Variants in ZFAT observed in about 807,000 individuals in gnomAD.
ZFAT encodes zinc finger and AT-hook domain containing.
ZFAT carries 64 observed loss-of-function variants against 117.7 expected under a neutral mutation model. The ratio of observed to expected loss-of-function variants is 0.54; its 90% CI spans 0.44 to 0.67. The LOEUF (loss-of-function observed/expected upper bound fraction) is 0.67, where lower values mean the gene tolerates loss of function less well. Ranked by LOEUF, ZFAT falls within the 30% of genes least tolerant of loss-of-function variation. ZFAT has a pLI of 0.00. For missense variants in ZFAT, 1,433 were observed against 1,584.5 expected (o/e 0.90, Z 1.62); for synonymous variants, 679 against 615.0 (o/e 1.10, Z -1.54).
In ZFAT at chr8:134,641,907, C is replaced by T. The variant is rs551905303; in HGVS notation, c.197-4195G>A. On this transcript the variant is annotated intron_variant, in intron 2 of 15. Coordinates refer to ENST00000377838, the MANE Select transcript of ZFAT (RefSeq NM_020863.4). ...CAAAAACTGGCAAGGGGCAGAGAAT[C>T]GGCCAAAGGATTACTTCTAACTCAA... Among the ~76,000 whole-genome samples the T allele has an allele frequency of 5.9e-5, 9 of 152,300 alleles. No homozygotes were observed. The South Asian group carries it at 8.3e-4, about 14-fold the overall frequency.
chr8:134,751,964 G>A, the ZFAT span, among the ~76,000 whole-genome samples: 1 of 152,174 alleles, frequency 6.6e-6, no homozygotes, highest in African/African-American at 2.4e-5. Context: ...GGTAGACTTA[G>A]TACATGTTTG....
At chr8:134,783,731 T>C in the ZFAT span, 60 of 152,124 alleles carry the variant, frequency 3.9e-4, no homozygotes, top group African/African-American at 1.4e-3. Flanking sequence ...AAAAGTACAG[T>C]TTAAAATCAG....
Position 134,532,983 on chromosome 8 carries a change from A to T in ZFAT, c.2977-11T>A. 1 of 1,594,702 alleles carries T rather than the reference A, an allele frequency of 6.3e-7. No individual in the cohort carries two copies. The highest frequency in any genetic ancestry group is 8.5e-7 in the Non-Finnish European group (1 of 1,170,820). On this transcript the variant is annotated splice_polypyrimidine_tract_variant and intron_variant, in intron 11 of 15. Coordinates refer to ENST00000377838, the MANE Select transcript of ZFAT (RefSeq NM_020863.4). The stretch of plus-strand genomic sequence containing the variant: ...GGCACAGCGGAAAGGCTGCGGGGAC[A>T]ATGAGGAGGGGTTAGGAAAGGTGAG...
chr8:134,825,902 T>A, the ZFAT span, among the ~76,000 whole-genome samples: 1 of 151,634 alleles, frequency 6.6e-6, no homozygotes, highest in Non-Finnish European at 1.5e-5. Flanking sequence ...GCGCCTGTAG[T>A]CCCAGCTACT....
At chr8:134,651,257 A>G (rs148998848) in intron 2 of ZFAT, among the ~76,000 whole-genome samples, 1 of 152,382 alleles carries the variant, frequency 6.6e-6, no homozygotes, top group African/African-American at 2.4e-5. Context: ...ATTATTCAGT[A>G]GCCTAAAAGT....
chr8:134,781,911 T>A, the ZFAT span, among the ~76,000 whole-genome samples: 1 of 152,252 alleles, frequency 6.6e-6, no homozygotes, highest in African/African-American at 2.4e-5. Flanking sequence ...GAGTATATAA[T>A]ACATATAGCA....
the ZFAT span, among the ~76,000 whole-genome samples, chr8:134,753,315 G>C: frequency 1.3e-5 from 2 of 152,108 alleles, no homozygotes; most frequent in Non-Finnish European, 2.9e-5. Flanking sequence ...GAGGATTGTT[G>C]GGAAATTAGG....
intron 2 of ZFAT, among the ~76,000 whole-genome samples, chr8:134,651,054 T>C (rs1327979806): frequency 1.3e-5 from 2 of 152,210 alleles, no homozygotes; most frequent in Admixed American, 6.5e-5. Flanking sequence ...TGTGGAGAAA[T>C]TGGATCCTTT....
chr8:134,627,335 G>A (rs1490939986), intron 3 of ZFAT, among the ~76,000 whole-genome samples: 1 of 152,228 alleles, frequency 6.6e-6, no homozygotes, highest in Non-Finnish European at 1.5e-5. Context: ...ACTGGGGACT[G>A]AGAGATTTGC....
chr8:134,757,858 G>C, the ZFAT span, among the ~76,000 whole-genome samples: 1 of 152,170 alleles, frequency 6.6e-6, no homozygotes, highest in African/African-American at 2.4e-5. Context: ...GGACCAGAGA[G>C]GGGAACAGCT....
At chr8:134,600,335 C>G (rs1827313673) in intron 7 of ZFAT, 101 bp downstream of exon 7, 1 of 1,078,890 alleles carries the variant, frequency 9.3e-7, no homozygotes, top group Non-Finnish European at 1.4e-6. Context: ...TCTATGTTTT[C>G]AGGGCTGACC....
intron 2 of ZFAT, among the ~76,000 whole-genome samples, chr8:134,656,909 C>A (rs1224799413): frequency 1.3e-5 from 2 of 152,182 alleles, no homozygotes; most frequent in Admixed American, 1.3e-4. Context: ...GATAACCACA[C>A]AGTGACAGAT....
At chr8:134,663,234 C>T (rs35241762) in intron 1 of ZFAT, among the ~76,000 whole-genome samples, 16,058 of 152,192 alleles carry the variant, frequency 0.11, 1,071 homozygotes, top group Non-Finnish European at 0.16. Flanking sequence ...CTGACACTTA[C>T]AAAACAAATT....
At chr8:134,709,880 A>G (rs184589550) in intron 1 of ZFAT, among the ~76,000 whole-genome samples, 26 of 152,276 alleles carry the variant, frequency 1.7e-4, no homozygotes, top group Admixed American at 1.2e-3. Flanking sequence ...CACAATGACC[A>G]TCTCAGCTCA....
Position 134,612,072 on chromosome 8 carries a change from T to C in ZFAT, c.449-1417A>G, listed in dbSNP as rs544326433. On this transcript the variant is annotated intron_variant, in intron 3 of 15. Transcript: ENST00000377838. ...TTGAGATCCCTAAGTGAGGAGGAAA[T>C]ATAGGGAAGGGAGGAAAAGGAGTTT... Among the ~76,000 whole-genome samples, 8 of 152,226 alleles carry C rather than the reference T, an allele frequency of 5.3e-5. No homozygotes were observed. In the South Asian group the frequency reaches 1.7e-3, roughly 32 times the overall value.
At chr8:134,674,390 T>TGGGATGC (rs533699929) in intron 1 of ZFAT, among the ~76,000 whole-genome samples, 44 of 152,260 alleles carry the variant, frequency 2.9e-4, no homozygotes, top group African/African-American at 1.0e-3. Flanking sequence ...GAGGCCAACC[T>TGGGATGC]GGGATGCTGG....
At chr8:134,582,604 T>C (rs1373626200) in intron 10 of ZFAT, among the ~76,000 whole-genome samples, 3 of 152,200 alleles carry the variant, frequency 2.0e-5, no homozygotes, top group Non-Finnish European at 4.4e-5. Context: ...TATGGATTTT[T>C]TTTAGAGAGA....
chr8:134,785,860 A>G, the ZFAT span: 1 of 152,002 alleles, frequency 6.6e-6, no homozygotes, highest in African/African-American at 2.4e-5. Context: ...TGAGAATTTG[A>G]TTGGAACTTC....
In ZFAT at chr8:134,565,485, G is replaced by A. The variant is rs781404627; in HGVS notation, c.2888-64C>T. 7 of 1,471,278 alleles carry A rather than the reference G, an allele frequency of 4.8e-6. No homozygotes were observed. The Admixed American group carries it at 1.1e-4, about 23-fold the overall frequency. 91.1% of individuals were successfully genotyped at this position (1,471,278 alleles called of 1,614,324 possible). On this transcript the variant is annotated intron_variant, in intron 10 of 15. Transcript: ENST00000377838. The stretch of plus-strand genomic sequence containing the variant: ...CAACAGCTCCCACTGTGAATGAAGT[G>A]CCAGGCATGGAGCCAGGTACACAAA...
Sources: gnomAD v4.1 joint callset for allele counts (sites outside exome capture counted in the v4.1 genomes callset) on GRCh38, gnomAD v4.1.1 for gene constraint, MANE v1.5 for transcripts, NCBI Gene and HGNC (gene_info 2026-07-23, HGNC 2026-07-21) for gene names.